The following PRDM16 variants were observed in gnomAD, a reference collection of about 807,000 sequenced individuals.
The protein encoded by PRDM16 is PR/SET domain 16.
Under a neutral mutation model 110.6 loss-of-function variants are expected in PRDM16, and 23 were observed. The observed-to-expected ratio is 0.21, with a 90% CI of 0.15 to 0.29. PRDM16 has a LOEUF of 0.29. Ranked by LOEUF, PRDM16 falls within the 10% of genes least tolerant of loss-of-function variation. The pLI, the probability that PRDM16 is intolerant of heterozygous loss-of-function variation, is 1.00. For synonymous variants in PRDM16, 799 were observed against 781.8 expected (o/e 1.02, Z -0.37); for missense variants, 1,615 against 1,794.3 (o/e 0.90, Z 1.81).
rs373393436 is a variant in PRDM16 at position 3,425,792 on chromosome 1, G to A, written c.3109+42G>A. ...GGGGCAGCCCCCAGAGCACCCACAC[G>A]GGCAGGCCCCACAGAGGGGGAGGGG... On this transcript the variant is annotated intron_variant, in intron 13 of 16. Coordinates refer to ENST00000270722, the MANE Select transcript of PRDM16 (RefSeq NM_022114.4). The surrounding 1 kb of genome is among the most constrained non-coding windows in gnomAD (Gnocchi z 6.9). 178 of 1,608,382 alleles carry A rather than the reference G, an allele frequency of 1.1e-4. No homozygotes were observed. The highest frequency in any genetic ancestry group is 1.4e-4 in the Non-Finnish European group (160 of 1,176,936).
At chr1:3,356,929 G>A (rs978994801) in intron 3 of PRDM16, among the ~76,000 whole-genome samples, 10 of 152,278 alleles carry the variant, frequency 6.6e-5, no homozygotes, top group South Asian at 2.1e-4. Flanking sequence ...CCTGAGAGCC[G>A]GGTGGCTTTG....
At chr1:3,253,160 G>A (rs150455416) in intron 3 of PRDM16, among the ~76,000 whole-genome samples, 16 of 151,746 alleles carry the variant, frequency 1.1e-4, no homozygotes, top group African/African-American at 3.9e-4. Context: ...ACCAGGCCAC[G>A]TCGGAAAATA....
intron 3 of PRDM16, among the ~76,000 whole-genome samples, chr1:3,251,409 G>A (rs1301819991): frequency 3.9e-5 from 6 of 152,204 alleles, no homozygotes; most frequent in African/African-American, 1.2e-4. Context: ...GGCACCCGGC[G>A]TGAGAACCCA....
chr1:3,331,382 A>C (rs1642039124), intron 3 of PRDM16, among the ~76,000 whole-genome samples: 1 of 152,180 alleles, frequency 6.6e-6, no homozygotes, highest in South Asian at 2.1e-4. Flanking sequence ...CTCTCTGCAG[A>C]GAACACAGCC....
intron 1 of PRDM16, among the ~76,000 whole-genome samples, chr1:3,149,570 C>T (rs1643739390): frequency 6.6e-6 from 1 of 152,222 alleles, no homozygotes; most frequent in South Asian, 2.1e-4. Context: ...TGGGTGCTCC[C>T]AGCTGACGGA....
intron 2 of PRDM16, among the ~76,000 whole-genome samples, chr1:3,233,394 T>C (rs140280149): frequency 0.01 from 1,576 of 152,234 alleles, 27 homozygotes; most frequent in African/African-American, 0.036. Context: ...GTTTAAGTGA[T>C]TGGGGGAAGG....
chr1:3,218,683 C>T (rs1312729755), intron 2 of PRDM16, among the ~76,000 whole-genome samples: 2 of 152,234 alleles, frequency 1.3e-5, no homozygotes, highest in African/African-American at 4.8e-5. Flanking sequence ...TCCACACTGG[C>T]AGGTGCCTCT....
intron 1 of PRDM16, among the ~76,000 whole-genome samples, chr1:3,112,661 G>T (rs899386043): frequency 6.6e-6 from 1 of 152,252 alleles, no homozygotes; most frequent in Non-Finnish European, 1.5e-5. Context: ...TGGCCGGGCC[G>T]CATTCCTGCA....
chr1:3,272,042 G>A (rs962311332), intron 3 of PRDM16, among the ~76,000 whole-genome samples: 16 of 152,230 alleles, frequency 1.1e-4, no homozygotes, highest in Admixed American at 3.9e-4. Context: ...GTTGGGACAC[G>A]GTGCCCACAT....
At chr1:3,375,489 G>T (rs1642975397) in intron 3 of PRDM16, among the ~76,000 whole-genome samples, 1 of 152,250 alleles carries the variant, frequency 6.6e-6, no homozygotes, top group Admixed American at 6.5e-5. Context: ...CCTCAGAGGT[G>T]CCACGAAGGA....
chr1:3,414,540 C>T lies in PRDM16; in HGVS notation c.2604-20C>T. The T allele has an allele frequency of 2.5e-6, 4 of 1,602,538 alleles. 1 individual carries two copies. The South Asian group carries it at 4.4e-5, about 18-fold the overall frequency. On this transcript the variant is annotated intron_variant, in intron 9 of 16. Coordinates refer to ENST00000270722, the MANE Select transcript of PRDM16 (RefSeq NM_022114.4). ...GCGGGCGGCTCGGTGGGGTACGTAACCCTCTGTGCTGTTGTCCAGCAGGGT... is the reference window on the plus strand; with the variant it reads ...GCGGGCGGCTCGGTGGGGTACGTAATCCTCTGTGCTGTTGTCCAGCAGGGT...
intron 3 of PRDM16, among the ~76,000 whole-genome samples, chr1:3,361,612 C>T (rs1642715145): frequency 6.6e-6 from 1 of 152,194 alleles, no homozygotes; most frequent in South Asian, 2.1e-4. Flanking sequence ...CTCCTCGGAT[C>T]GGGAGCAGAT....
rs979674180 is a variant in PRDM16 at position 3,200,550 on chromosome 1, G to A, written c.387+14076G>A. Among the ~76,000 whole-genome samples, 11 of 152,282 alleles carry A rather than the reference G, an allele frequency of 7.2e-5. 1 individual carries two copies. Among genetic ancestry groups the A allele is most frequent in the South Asian group, 2.1e-4 (1 of 4,820 alleles). ...GTAGAGACGGGGTTTCACCGTGTTA[G>A]CCAGGATGGTCTCGATCTTCTGACC... On this transcript the variant is annotated intron_variant, in intron 2 of 16. Transcript: ENST00000270722.
intron 1 of PRDM16, among the ~76,000 whole-genome samples, chr1:3,145,181 G>A (rs955875442): frequency 1.3e-5 from 2 of 152,158 alleles, no homozygotes; most frequent in African/African-American, 2.4e-5. Flanking sequence ...GCAGGAAACC[G>A]CCCCCACCCC....
At chr1:3,222,169 A>T (rs1236940873) in intron 2 of PRDM16, among the ~76,000 whole-genome samples, 3 of 152,070 alleles carry the variant, frequency 2.0e-5, no homozygotes, top group Non-Finnish European at 4.4e-5. Flanking sequence ...CTCAGGTCCC[A>T]CCCCCTGACA....
intron 2 of PRDM16, among the ~76,000 whole-genome samples, chr1:3,199,258 T>C (rs963586216): frequency 7.0e-6 from 1 of 143,728 alleles, no homozygotes; most frequent in Non-Finnish European, 1.5e-5. Context: ...CGGAGAGCCA[T>C]AGCCAGGTGT....
At chr1:3,279,963 T>A (rs1168843910) in intron 3 of PRDM16, among the ~76,000 whole-genome samples, 1 of 144,538 alleles carries the variant, frequency 6.9e-6, no homozygotes, top group African/African-American at 2.6e-5. Context: ...AGACAAAACC[T>A]CATGGAATCC....
chr1:3,429,566 C>G (rs952818081), intron 14 of PRDM16, among the ~76,000 whole-genome samples: 10 of 152,222 alleles, frequency 6.6e-5, no homozygotes. Context: ...CGAGAGGGCA[C>G]AGGCCCCAAA....
chr1:3,229,845 G>A (rs927912736), intron 2 of PRDM16, among the ~76,000 whole-genome samples: 6 of 152,334 alleles, frequency 3.9e-5, no homozygotes, highest in African/African-American at 1.4e-4. Context: ...TCTCAGACAC[G>A]GGCGGGAGGG....
Sources: gnomAD v4.1 joint callset for allele counts (sites outside exome capture counted in the v4.1 genomes callset) on GRCh38, gnomAD v4.1.1 for gene constraint, Gnocchi (gnomAD v3.1) non-coding constraint, MANE v1.5 for transcripts, NCBI Gene and HGNC (gene_info 2026-07-23, HGNC 2026-07-21) for gene names.